Variants in SLCO4C1 observed in about 807,000 individuals in gnomAD.
SLCO4C1 encodes the protein organic anion transporter M1.
Under a neutral mutation model 72.1 loss-of-function variants are expected in SLCO4C1, and 58 were observed. The ratio of observed to expected loss-of-function variants is 0.80; its 90% confidence interval spans 0.65 to 1.00. The LOEUF (loss-of-function observed/expected upper bound fraction) is 1.00. Among genes scored for constraint, SLCO4C1 ranks in the 50% least tolerant of loss-of-function variants. The probability of loss-of-function intolerance (pLI) is 0.00; values close to 1 mark genes in which losing one functional copy is unlikely to be tolerated. For missense variants in SLCO4C1, 898 were observed against 857.9 expected (o/e 1.05, Z -0.58); for synonymous variants, 297 against 312.5 (o/e 0.95, Z 0.52).
intron 2 of SLCO4C1, among the ~76,000 whole-genome samples, chr5:102,274,451 C>G (rs1413860839): frequency 2.6e-5 from 4 of 152,160 alleles, no homozygotes; most frequent in African/African-American, 9.7e-5. Flanking sequence ...CAAGCTCAGC[C>G]AAATGCTTAA....
At chr5:102,255,316 C>A (rs538490303) in intron 8 of SLCO4C1, among the ~76,000 whole-genome samples, 1 of 152,252 alleles carries the variant, frequency 6.6e-6, no homozygotes, top group South Asian at 2.1e-4. Context: ...CTGGTAGTAA[C>A]TATTATTTAA....
chr5:102,270,745 G>A lies in SLCO4C1; in HGVS notation c.681C>T (p.Asn227=). 6.2e-7 allele frequency: 1 copy of A among 1,612,684 alleles called. No individual in the cohort carries two copies. The highest frequency in any genetic ancestry group is 8.5e-7 in the Non-Finnish European group (1 of 1,179,202). ...GTCCCAAGATGAAGACATACAAGTAGTTAGAAAGTGAAGAAGTTGAAGATG... is the reference window on the plus strand; with the variant it reads ...GTCCCAAGATGAAGACATACAAGTAATTAGAAAGTGAAGAAGTTGAAGATG... ...SCTSSTSSLS[N]YLYVFILGQL... Residue 227 remains asparagine (N), a synonymous_variant, in exon 3 of 13, where the codon AAC becomes AAT. Transcript: ENST00000310954.
intron 2 of SLCO4C1, among the ~76,000 whole-genome samples, chr5:102,274,801 T>G (rs1358738915): frequency 6.6e-6 from 1 of 152,128 alleles, no homozygotes; most frequent in Non-Finnish European, 1.5e-5. Context: ...TTCCTCAGCC[T>G]CACTCCTCAT....
intron 9 of SLCO4C1, among the ~76,000 whole-genome samples, 163 bp downstream of exon 9, chr5:102,249,475 A>G (rs1245450462): frequency 6.6e-6 from 1 of 152,214 alleles, no homozygotes; most frequent in African/African-American, 2.4e-5. Context: ...TGCAAGAGGC[A>G]TGAAGGAAAA....
At chr5:102,263,651 CTT>C (rs779334042) in intron 4 of SLCO4C1, 31 bp downstream of exon 4, 224 of 1,553,172 alleles carry the variant, frequency 1.4e-4, no homozygotes, top group Non-Finnish European at 2.0e-4. Context: ...AATAAAATGA[CTT>C]TAAATAAAAG....
intron 2 of SLCO4C1, among the ~76,000 whole-genome samples, chr5:102,274,646 A>G (rs1044963300): frequency 4.6e-5 from 7 of 152,260 alleles, no homozygotes; most frequent in Middle Eastern, 3.4e-3. Flanking sequence ...ATGTGTATCT[A>G]TGCATCCTGG....
intron 3 of SLCO4C1, among the ~76,000 whole-genome samples, chr5:102,266,521 G>A (rs971569806): frequency 6.6e-6 from 1 of 152,050 alleles, no homozygotes; most frequent in African/African-American, 2.4e-5. Flanking sequence ...GTGGTGGCAG[G>A]TGCCTGTAAT....
chr5:102,247,407 T>C lies in SLCO4C1; in HGVS notation c.1656A>G (p.Thr552=). The part of the protein sequence containing the change: ...YYNCSCIERK[T]EITSTAETFG... ...AAGTTTCTGCAGTGGATGTTATTTC[T>C]GTTTTCCTTTCAATACAGGAACAGT... is the stretch of plus-strand genomic sequence containing the variant. Residue 552 remains threonine, a synonymous_variant, in exon 10 of 13, where the codon ACA becomes ACG. Coordinates refer to ENST00000310954, the MANE Select transcript of SLCO4C1 (RefSeq NM_180991.5). 6.3e-7 allele frequency: 1 copy of C among 1,586,026 alleles called. No homozygotes were observed. Among genetic ancestry groups the C allele is most frequent in the South Asian group, 1.1e-5 (1 of 87,722 alleles).
At chr5:102,237,302 A>T (rs1748455662) in intron 12 of SLCO4C1, among the ~76,000 whole-genome samples, 1 of 152,286 alleles carries the variant, frequency 6.6e-6, no homozygotes, top group South Asian at 2.1e-4. Context: ...GTATAGAACT[A>T]AATAGGAATT....
At chr5:102,289,371 G>A (rs1236269855) in intron 2 of SLCO4C1, among the ~76,000 whole-genome samples, 1 of 152,168 alleles carries the variant, frequency 6.6e-6, no homozygotes, top group Non-Finnish European at 1.5e-5. Flanking sequence ...TGAGAAGATC[G>A]TGGAAGACAG....
At chr5:102,238,629 A>G (rs1416533878) in intron 12 of SLCO4C1, among the ~76,000 whole-genome samples, 1 of 152,136 alleles carries the variant, frequency 6.6e-6, no homozygotes, top group Non-Finnish European at 1.5e-5. Context: ...TCTCTAAGCT[A>G]TTTTAGTTTC....
At chr5:102,280,385 A>T (rs755434669) in intron 2 of SLCO4C1, among the ~76,000 whole-genome samples, 1 of 152,014 alleles carries the variant, frequency 6.6e-6, no homozygotes, top group East Asian at 1.9e-4. Context: ...AAATACTTAG[A>T]TGTTAATCTA....
At position 102,236,603 on chromosome 5, in the gene SLCO4C1, TTC is replaced by T. The variant is rs758010508; in HGVS notation, c.*253_*254del. 7.5e-3 allele frequency: 2,516 copies of T among 334,410 alleles called. 42 individuals carry two copies. Among genetic ancestry groups the T allele is most frequent in the African/African-American group, 0.051 (1,995 of 39,276 alleles). The allele number at this position is 334,410 out of a possible 1,614,324, so 20.7% of individuals were successfully genotyped here. ...GTGCGTGTGTGTGTGTGTGTGTGTG[TTC>T]GTGTGTGTGTGTGTGTGTGTGCTCG... On this transcript the variant is annotated 3_prime_UTR_variant, in exon 13 of 13. Coordinates refer to ENST00000310954, the MANE Select transcript of SLCO4C1 (RefSeq NM_180991.5).
chr5:102,290,392 C>CTGACCCCA (rs1219925672), intron 2 of SLCO4C1, among the ~76,000 whole-genome samples: 1 of 152,230 alleles, frequency 6.6e-6, no homozygotes, highest in Non-Finnish European at 1.5e-5. Flanking sequence ...ACAGAACTCA[C>CTGACCCCA]TGACCCCATT....
intron 1 of SLCO4C1, among the ~76,000 whole-genome samples, chr5:102,292,556 A>T (rs1035457327): frequency 6.6e-6 from 1 of 152,202 alleles, no homozygotes; most frequent in African/African-American, 2.4e-5. Context: ...TACAGATATT[A>T]AAGTTACCAT....
chr5:102,294,469 A>C (rs1392415605), intron 1 of SLCO4C1, among the ~76,000 whole-genome samples: 2 of 152,230 alleles, frequency 1.3e-5, no homozygotes, highest in Admixed American at 1.3e-4. Context: ...AATTTTAGGC[A>C]ATATTTTATA....
intron 7 of SLCO4C1, 71 bp downstream of exon 7, chr5:102,257,872 A>G (rs1301208272): frequency 7.2e-7 from 1 of 1,381,438 alleles, no homozygotes; most frequent in Non-Finnish European, 9.9e-7. Context: ...ACCTCAAATT[A>G]TACACTATCC....
rs541360544 is a variant in SLCO4C1, at chr5:102,264,640, C to T, written c.803-860G>A. ...GTTTATGTTGGGAACATTCAACATC[C>T]CCTCTTCTAGCTTTTTGAACATATA... is the stretch of plus-strand genomic sequence containing the variant. On this transcript the variant is annotated intron_variant, in intron 3 of 12. Transcript: ENST00000310954. 2.1e-4 allele frequency among the ~76,000 whole-genome samples: 31 copies of T among 150,172 alleles called. No homozygotes were observed. The South Asian group carries it at 5.0e-3, about 24-fold the overall frequency.
intron 5 of SLCO4C1, among the ~76,000 whole-genome samples, chr5:102,261,441 T>G (rs928815763): frequency 6.7e-6 from 1 of 148,324 alleles, no homozygotes. Context: ...AAGAAAATAA[T>G]GTTTAATATT....
Sources: allele counts gnomAD v4.1 joint callset (sites outside exome capture counted in the v4.1 genomes callset), GRCh38; gene constraint gnomAD v4.1.1; transcripts MANE v1.5; gene names NCBI Gene and HGNC (gene_info 2026-07-23, HGNC 2026-07-21).